Variants in TACC2 observed in about 807,000 individuals in gnomAD.
The protein encoded by TACC2 is transforming acidic coiled-coil containing protein 2, also known as transforming acidic coiled-coil-containing protein 2.
In TACC2, 137 loss-of-function variants were observed where a neutral mutation model predicts 227.3. The observed-to-expected ratio is 0.60, with a 90% confidence interval of 0.52 to 0.69. The LOEUF (loss-of-function observed/expected upper bound fraction) is 0.69, where lower values mean the gene tolerates loss of function less well. TACC2 is among the 30% of genes least tolerant of loss of function. The probability of loss-of-function intolerance (pLI) is 0.00; values close to 1 mark genes in which losing one functional copy is unlikely to be tolerated. For synonymous variants in TACC2, 1,523 were observed against 1,487.5 expected (o/e 1.02, Z -0.55); for missense variants, 3,470 against 3,694.4 (o/e 0.94, Z 1.57).
At chr10:122,080,376 G>T (rs1242454437) in intron 3 of TACC2, among the ~76,000 whole-genome samples, 1 of 152,116 alleles carries the variant, frequency 6.6e-6, no homozygotes, top group Non-Finnish European at 1.5e-5. Context: ...GGGACTACAG[G>T]TGTGCACCAC....
chr10:122,076,028 G>T (rs978177646), intron 3 of TACC2, among the ~76,000 whole-genome samples: 41 of 152,142 alleles, frequency 2.7e-4, no homozygotes, highest in Admixed American at 2.7e-3. Context: ...TTGAACTCCT[G>T]ATCTCAGGTG....
rs570281354 is a variant in TACC2 at position 122,005,486 on chromosome 10, G to A, written c.-46+15998G>A. On this transcript the variant is annotated intron_variant, in intron 1 of 22. Transcript: ENST00000369005. ...TGCAAGCTCCACCTCCTGGGTTCAC[G>A]CCATTCTCCCACCTCAGCCTCCCGA... Among the ~76,000 whole-genome samples the A allele has an allele frequency of 6.0e-5, 9 of 150,568 alleles. No individual in the cohort carries two copies. In the East Asian group the frequency reaches 1.2e-3, roughly 20 times the overall value.
intron 5 of TACC2, among the ~76,000 whole-genome samples, chr10:122,109,986 T>C (rs536337831): frequency 2.0e-5 from 3 of 152,332 alleles, no homozygotes; most frequent in African/African-American, 7.2e-5. Context: ...CAAAATCTTA[T>C]GTAGAACTTA....
intron 2 of TACC2, among the ~76,000 whole-genome samples, chr10:122,042,301 G>A (rs926166610): frequency 6.6e-6 from 1 of 151,980 alleles, no homozygotes; most frequent in African/African-American, 2.4e-5. Context: ...GGAGTTCAGT[G>A]GCACAGTCTC....
chr10:122,016,275 A>AAGG (rs1565074801), intron 1 of TACC2, among the ~76,000 whole-genome samples: 544 of 22,888 alleles, frequency 0.024, 4 homozygotes, highest in African/African-American at 0.13. Context: ...AAAAAAAGGA[A>AAGG]AAAAAAAAAA....
chr10:122,083,587 G>A lies in TACC2; in HGVS notation c.1087G>A (p.Gly363Arg), dbSNP rs1197718510. 1.2e-6 allele frequency: 2 copies of A among 1,612,658 alleles called. No homozygotes were observed. Among genetic ancestry groups the A allele is most frequent in the Admixed American group, 3.3e-5 (2 of 60,020 alleles). ...PALVPEAGGS[G>R]KEALDTIDVQ... ...CCTGGTGCCAGAGGCTGGGGGCTCT[G>A]GGAAGGAGGCTCTGGACACCATTGA... Residue 363 changes from glycine to arginine, a missense_variant, in exon 4 of 23, where the codon GGG (glycine) becomes AGG (arginine). Transcript: ENST00000369005.
At position 122,205,855 on chromosome 10, in the gene TACC2, C is replaced by T. The variant is rs989527868; in HGVS notation, c.5972-4542C>T. ...CAACCAGCAAACTGCCACAGAAAGA[C>T]CAAGTACTGCTTTGTATCTCGTTAG... is the stretch of plus-strand genomic sequence containing the variant. On this transcript the variant is annotated intron_variant, in intron 8 of 22. Transcript: ENST00000369005. The surrounding 1 kb of genome is among the most constrained non-coding windows in gnomAD (Gnocchi z 4.5). Among the ~76,000 whole-genome samples, 1 of 152,216 alleles carries T rather than the reference C, an allele frequency of 6.6e-6. No individual in the cohort carries two copies. Among genetic ancestry groups the T allele is most frequent in the African/African-American group, 2.4e-5 (1 of 41,446 alleles).
chr10:122,085,651 G>A lies in TACC2; in HGVS notation c.3151G>A (p.Val1051Ile). 6.2e-7 allele frequency: 1 copy of A among 1,613,568 alleles called. No individual in the cohort carries two copies. Among genetic ancestry groups the A allele is most frequent in the Non-Finnish European group, 8.5e-7 (1 of 1,180,036 alleles). The change falls in exon 4 of 23, where the codon GTA (valine) becomes ATA (isoleucine). Residue 1051 changes from valine (V) to isoleucine (I), a missense_variant. Physicochemically the swap from Val to Ile is conservative, Grantham distance 29 (BLOSUM62 3). Coordinates refer to ENST00000369005, the MANE Select transcript of TACC2 (RefSeq NM_206862.4). ...GGCCCCACCTTGTCAGCCTGACTCA[G>A]TAGCTCTCCTGGATGCAGTTCCCTG... ...GEAPPCQPDSVALLDAVPCLP... is the reference protein window; with the variant it reads ...GEAPPCQPDSIALLDAVPCLP...
At position 122,085,030 on chromosome 10, in the gene TACC2, G is replaced by A. The variant is rs773947901; in HGVS notation, c.2530G>A (p.Val844Met). 10 of 1,614,064 alleles carry A rather than the reference G, an allele frequency of 6.2e-6. No homozygotes were observed. Among genetic ancestry groups the A allele is most frequent in the African/African-American group, 2.7e-5 (2 of 74,912 alleles). Reference sequence around the variant, plus strand: ...ACAACCAGAGACATCCATCTTTGACGTGCTCAAGGAGCAGGCCCAGCCACC... The same window carrying A: ...ACAACCAGAGACATCCATCTTTGACATGCTCAAGGAGCAGGCCCAGCCACC... ...QAQPETSIFD[V>M]LKEQAQPPEN... Residue 844 changes from valine to methionine, a missense_variant, in exon 4 of 23, where the codon GTG becomes ATG. Physicochemically the swap from Val to Met is conservative, Grantham distance 21. Around this residue, in one of 10 missense-constraint regions of TACC2, gnomAD observed 1,924 missense variants for 1,978.3 expected, o/e 0.97. Transcript: ENST00000369005.
At chr10:122,162,425 C>T (rs1448271527) in intron 7 of TACC2, among the ~76,000 whole-genome samples, 1 of 152,208 alleles carries the variant, frequency 6.6e-6, no homozygotes, top group Non-Finnish European at 1.5e-5. Context: ...GCTCACTGCC[C>T]TGTGGGTGAA....
chr10:122,156,133 G>T (rs2139650103), intron 7 of TACC2, among the ~76,000 whole-genome samples: 1 of 151,534 alleles, frequency 6.6e-6, no homozygotes, highest in Admixed American at 6.6e-5. Flanking sequence ...CACCGTGCCT[G>T]GCCAATGGTG....
chr10:122,140,056 G>A lies in TACC2; in HGVS notation c.5700-3516G>A, dbSNP rs1032101639. 2.6e-5 allele frequency among the ~76,000 whole-genome samples: 4 copies of A among 152,208 alleles called. 1 individual carries two copies. Among genetic ancestry groups the A allele is most frequent in the Admixed American group, 6.5e-5 (1 of 15,282 alleles). On this transcript the variant is annotated intron_variant, in intron 6 of 22. Coordinates refer to ENST00000369005, the MANE Select transcript of TACC2 (RefSeq NM_206862.4). ...CTGCGGCCGGATCTGCAGGGCTGTCGGGCTGAATGTGAGCCCTGGAGCTGT... is the reference window on the plus strand; with the variant it reads ...CTGCGGCCGGATCTGCAGGGCTGTCAGGCTGAATGTGAGCCCTGGAGCTGT...
At chr10:122,191,493 C>T (rs2140474205) in intron 7 of TACC2, among the ~76,000 whole-genome samples, 1 of 152,140 alleles carries the variant, frequency 6.6e-6, no homozygotes, top group East Asian at 1.9e-4. Flanking sequence ...AATACACTAA[C>T]ACTAATGATA....
chr10:122,060,911 A>G (rs1447567152), intron 3 of TACC2, among the ~76,000 whole-genome samples: 1 of 150,858 alleles, frequency 6.6e-6, no homozygotes, highest in Non-Finnish European at 1.5e-5. Flanking sequence ...AGGCTGAGGC[A>G]GGAGAATCAC....
At chr10:121,994,976 C>A (rs138571175) in intron 1 of TACC2, among the ~76,000 whole-genome samples, 1 of 152,142 alleles carries the variant, frequency 6.6e-6, no homozygotes, top group Non-Finnish European at 1.5e-5. Flanking sequence ...AGGAGTTGCG[C>A]TGGATGATTA....
intron 1 of TACC2, among the ~76,000 whole-genome samples, chr10:122,018,983 G>A (rs1479067164): frequency 6.6e-6 from 1 of 152,192 alleles, no homozygotes; most frequent in Admixed American, 6.5e-5. Flanking sequence ...TTGTGGCAGG[G>A]GTAAGGCGCT....
chr10:122,163,518 C>CT, intron 7 of TACC2: 1 of 965,214 alleles, frequency 1.0e-6, no homozygotes, highest in Non-Finnish European at 1.2e-6. Context: ...CGCGATGGAG[C>CT]TTTGTGAAGA....
chr10:122,111,222 TA>T (rs2083555245), intron 5 of TACC2, among the ~76,000 whole-genome samples: 1 of 152,154 alleles, frequency 6.6e-6, no homozygotes, highest in African/African-American at 2.4e-5. Context: ...TAACTTAACA[TA>T]TTCACAACTC....
intron 7 of TACC2, among the ~76,000 whole-genome samples, chr10:122,189,158 G>A (rs964961748): frequency 2.0e-5 from 3 of 152,144 alleles, no homozygotes; most frequent in African/African-American, 4.8e-5. Context: ...TTATGCCAGC[G>A]AGGTGTGTGT....
Sources: gnomAD v4.1 joint callset for allele counts (sites outside exome capture counted in the v4.1 genomes callset) on GRCh38, gnomAD v4.1.1 for gene constraint, gnomAD v4.1.1 regional missense constraint, Gnocchi (gnomAD v3.1) non-coding constraint, MANE v1.5 for transcripts, NCBI Gene and HGNC (gene_info 2026-07-23, HGNC 2026-07-21) for gene names.